The following ABCC4 variants were observed in gnomAD, a reference collection of about 807,000 sequenced individuals.
ABCC4 encodes ATP-binding cassette sub-family C member 4.
Under a neutral mutation model 168.5 loss-of-function variants are expected in ABCC4, and 102 were observed. The ratio of observed to expected loss-of-function variants is 0.61; its 90% CI spans 0.52 to 0.71. ABCC4 has a LOEUF of 0.71. Ranked by LOEUF, ABCC4 falls within the 30% of genes least tolerant of loss-of-function variation. The pLI is 0.00. For synonymous variants in ABCC4, 617 were observed against 590.7 expected (o/e 1.04, Z -0.65); for missense variants, 1,402 against 1,605.8 (o/e 0.87, Z 2.17).
chr13:95,225,638 C>T lies in ABCC4; in HGVS notation c.531+8972G>A, dbSNP rs181206695. On this transcript the variant is annotated intron_variant, in intron 4 of 30. Coordinates refer to ENST00000645237, the MANE Select transcript of ABCC4 (RefSeq NM_005845.5). Reference sequence around the variant, plus strand: ...TGAGCCAAGATCGTGCCACTGCACTCCAGCTTGGGCAACAGAGCGAGAGTC... The same window carrying T: ...TGAGCCAAGATCGTGCCACTGCACTTCAGCTTGGGCAACAGAGCGAGAGTC... 5.3e-5 allele frequency among the ~76,000 whole-genome samples: 8 copies of T among 151,848 alleles called. No homozygotes were observed. The East Asian group carries it at 1.2e-3, about 22-fold the overall frequency.
Position 95,176,244 on chromosome 13 carries a change from G to GGGGT in ABCC4, c.1727+1462_1727+1463insACCC, listed in dbSNP as rs1317252304. Among the ~76,000 whole-genome samples, 18 of 44,952 alleles carry GGGGT rather than the reference G, an allele frequency of 4.0e-4. 1 individual carries two copies. The highest frequency in any genetic ancestry group is 6.7e-4 in the African/African-American group (8 of 11,902). The allele number at this position is 44,952 out of a possible 152,430, so 29.5% of individuals were successfully genotyped here. A position where few individuals can be genotyped will look rare whatever the true frequency, so the allele number is the denominator to read the frequency against. On this transcript the variant is annotated intron_variant, in intron 13 of 30. Transcript: ENST00000645237. ...AGGGCAGGGGGGGGGGGGGGGGGGG[G>GGGGT]GTGGATCCCTTGAGCCCAGGAGTTC...
In ABCC4 at chr13:95,247,117, G is replaced by A. The variant is rs375048049; in HGVS notation, c.186-22C>T. 99 of 1,605,256 alleles carry A rather than the reference G, an allele frequency of 6.2e-5. 1 individual carries two copies. Among genetic ancestry groups the A allele is most frequent in the African/African-American group, 3.9e-4 (29 of 74,110 alleles). On this transcript the variant is annotated intron_variant, in intron 2 of 30. Coordinates refer to ENST00000645237, the MANE Select transcript of ABCC4 (RefSeq NM_005845.5). Reference sequence around the variant, plus strand: ...GAACCTACAATGAGGAAAAAGCTTCGTAAATAAGAGTGAACCCTGCCACAA... The same window carrying A: ...GAACCTACAATGAGGAAAAAGCTTCATAAATAAGAGTGAACCCTGCCACAA...
At chr13:95,120,955 G>A (rs969039531) in intron 19 of ABCC4, among the ~76,000 whole-genome samples, 17 of 152,140 alleles carry the variant, frequency 1.1e-4, no homozygotes, top group Non-Finnish European at 1.8e-4. Context: ...GCCATTTGAG[G>A]GGATGGGCCA....
At chr13:95,038,610 C>T (rs540926160) in intron 29 of ABCC4, among the ~76,000 whole-genome samples, 29 of 152,138 alleles carry the variant, frequency 1.9e-4, no homozygotes, top group South Asian at 8.3e-4. Flanking sequence ...TTCCAGATGC[C>T]GAGAGGTCTG....
In ABCC4 at chr13:95,220,005, G is replaced by A. The variant is rs1013070369; in HGVS notation, c.532-9224C>T. Among the ~76,000 whole-genome samples, 9 of 149,482 alleles carry A rather than the reference G, an allele frequency of 6.0e-5. No homozygotes were observed. In the East Asian group the frequency reaches 7.9e-4, roughly 13 times the overall value. ...CAAGTAGCTGGGATTACAGGCATGC[G>A]CCATCATGCCTGGCTAATTTTTTTT... On this transcript the variant is annotated intron_variant, in intron 4 of 30. Transcript: ENST00000645237.
intron 4 of ABCC4, among the ~76,000 whole-genome samples, chr13:95,222,923 G>A (rs1025150120): frequency 3.3e-5 from 5 of 152,048 alleles, no homozygotes; most frequent in Non-Finnish European, 5.9e-5. Context: ...TACAATGCAC[G>A]GAGCAGCCTC....
intron 4 of ABCC4, among the ~76,000 whole-genome samples, chr13:95,232,534 G>A (rs1594346676): frequency 6.6e-6 from 1 of 152,020 alleles, no homozygotes; most frequent in Admixed American, 6.6e-5. Flanking sequence ...AAAATTAGCT[G>A]GGTGTGGTGG....
At chr13:95,094,313 T>C (rs914026676) in intron 20 of ABCC4, among the ~76,000 whole-genome samples, 1 of 152,152 alleles carries the variant, frequency 6.6e-6, no homozygotes, top group African/African-American at 2.4e-5. Context: ...AACAGCATGG[T>C]ACTGGTATAA....
intron 30 of ABCC4, among the ~76,000 whole-genome samples, chr13:95,029,446 A>G (rs1443180954): frequency 6.6e-6 from 1 of 152,024 alleles, no homozygotes; most frequent in East Asian, 1.9e-4. Flanking sequence ...GAATACATCA[A>G]CAAAGTGGAG....
chr13:95,025,199 C>T (rs1447930193), intron 30 of ABCC4, among the ~76,000 whole-genome samples: 21 of 101,060 alleles, frequency 2.1e-4, no homozygotes, highest in Non-Finnish European at 3.5e-4. Context: ...CCACACCACA[C>T]ACCCCCACAC....
intron 20 of ABCC4, among the ~76,000 whole-genome samples, chr13:95,106,071 A>C (rs1678363): frequency 0.45 from 68,886 of 151,810 alleles, 16,563 homozygotes; most frequent in Middle Eastern, 0.63. Context: ...TTTAACCTTA[A>C]AATTACAAGA....
At chr13:95,204,380 A>C (rs1275884179) in intron 8 of ABCC4, among the ~76,000 whole-genome samples, 1 of 152,192 alleles carries the variant, frequency 6.6e-6, no homozygotes, top group Non-Finnish European at 1.5e-5. Flanking sequence ...CTTGAACTGT[A>C]ATCGCCATAA....
intron 4 of ABCC4, among the ~76,000 whole-genome samples, chr13:95,229,592 T>G (rs140794396): frequency 4.1e-4 from 62 of 152,224 alleles, no homozygotes; most frequent in African/African-American, 1.5e-3. Flanking sequence ...AGATACAAAG[T>G]CAAGAAATCT....
intron 19 of ABCC4, among the ~76,000 whole-genome samples, chr13:95,128,127 T>C (rs1316493381): frequency 6.6e-6 from 1 of 152,232 alleles, no homozygotes; most frequent in Non-Finnish European, 1.5e-5. Flanking sequence ...TCCAGCCCCA[T>C]GCCTGTTCCT....
chr13:95,283,578 T>C (rs1372629887), intron 1 of ABCC4, among the ~76,000 whole-genome samples: 1 of 152,000 alleles, frequency 6.6e-6, no homozygotes, highest in Non-Finnish European at 1.5e-5. Flanking sequence ...CAGAAGGATA[T>C]TTTTTCTGAA....
rs1033318144 is a variant in ABCC4, at chr13:95,133,200, G to A, written c.2456-17199C>T. Among the ~76,000 whole-genome samples the A allele has an allele frequency of 1.7e-4, 22 of 130,958 alleles. No individual in the cohort carries two copies. The East Asian group carries it at 1.9e-3, about 11-fold the overall frequency. The allele number at this position is 130,958 out of a possible 152,430, so 85.9% of individuals were successfully genotyped here. A position where few individuals can be genotyped will look rare whatever the true frequency, so the allele number is the denominator to read the frequency against. ...ACAGTCTCGGCTCACTGCAACCTCC[G>A]CCTCCTGGGTTCAAGCAATTCTCCC... is the stretch of plus-strand genomic sequence containing the variant. On this transcript the variant is annotated intron_variant, in intron 19 of 30. Coordinates refer to ENST00000645237, the MANE Select transcript of ABCC4 (RefSeq NM_005845.5).
At chr13:95,269,286 C>CT (rs754179979) in intron 1 of ABCC4, 52 of 452,120 alleles carry the variant, frequency 1.2e-4, no homozygotes, top group South Asian at 4.2e-4. Context: ...AGCCTACAAC[C>CT]TGTCAGCAGC....
At chr13:95,204,913 C>T (rs74874524) in intron 8 of ABCC4, among the ~76,000 whole-genome samples, 13,280 of 152,234 alleles carry the variant, frequency 0.087, 824 homozygotes, top group East Asian at 0.19. Flanking sequence ...CACCTGCAAT[C>T]ACGGTGAGGG....
intron 11 of ABCC4, among the ~76,000 whole-genome samples, chr13:95,183,187 C>G (rs1428426043): frequency 1.3e-5 from 2 of 151,374 alleles, no homozygotes; most frequent in Admixed American, 1.3e-4. Flanking sequence ...GCAACAGCTA[C>G]TATTTACCAA....
Sources: gnomAD v4.1 joint callset for allele counts (sites outside exome capture counted in the v4.1 genomes callset) on GRCh38, gnomAD v4.1.1 for gene constraint, MANE v1.5 for transcripts, NCBI Gene and HGNC (gene_info 2026-07-23, HGNC 2026-07-21) for gene names.